The following PLEKHH2 variants were observed in gnomAD, a reference collection of about 807,000 sequenced individuals.
The protein encoded by PLEKHH2 is pleckstrin homology domain-containing family H member 2.
A neutral mutation model predicts 187.9 loss-of-function variants in PLEKHH2; 129 were observed. The ratio of observed to expected loss-of-function variants is 0.69; its 90% confidence interval spans 0.59 to 0.79. The LOEUF is 0.79. Among genes scored for constraint, PLEKHH2 ranks in the 30% least tolerant of loss-of-function variants. The pLI is 0.00. For missense variants in PLEKHH2, 2,076 were observed against 1,751.2 expected (o/e 1.19, Z -3.31); for synonymous variants, 686 against 605.6 (o/e 1.13, Z -1.95).
chr2:43,721,629 A>T (rs1189754412), intron 16 of PLEKHH2, among the ~76,000 whole-genome samples: 3 of 152,144 alleles, frequency 2.0e-5, no homozygotes, highest in Non-Finnish European at 4.4e-5. Context: ...CATGCCTATA[A>T]TCCCAGCACT....
intron 9 of PLEKHH2, among the ~76,000 whole-genome samples, chr2:43,705,622 T>C (rs1669621908): frequency 6.6e-6 from 1 of 152,206 alleles, no homozygotes; most frequent in Non-Finnish European, 1.5e-5. Context: ...ACAGTGGTTT[T>C]GGTTTTGGTT....
intron 3 of PLEKHH2, chr2:43,681,366 T>G (rs532603106): frequency 7.1e-7 from 1 of 1,407,544 alleles, no homozygotes; most frequent in Non-Finnish European, 9.8e-7. Context: ...AGAATTTACT[T>G]CTTGGCTGCT....
chr2:43,706,529 T>C, intron 10 of PLEKHH2, 113 bp downstream of exon 10: 2 of 764,998 alleles, frequency 2.6e-6, no homozygotes, highest in South Asian at 1.8e-5. Context: ...GCTCTCCCTT[T>C]ATAGAAAGTT....
chr2:43,654,583 T>TA (rs1553329025), intron 2 of PLEKHH2, among the ~76,000 whole-genome samples: 22 of 132,788 alleles, frequency 1.7e-4, no homozygotes, highest in Non-Finnish European at 1.3e-4. Context: ...TTTTTTTTTT[T>TA]AATGGCCAGC....
chr2:43,681,765 A>G (rs1668203697), intron 3 of PLEKHH2: 1 of 436,570 alleles, frequency 2.3e-6, no homozygotes, highest in African/African-American at 2.0e-5. Context: ...CTGAGAGCCT[A>G]CTCTGGACCC....
chr2:43,685,693 C>T lies in PLEKHH2; in HGVS notation c.186+6768C>T, dbSNP rs150500641. 7.7e-4 allele frequency among the ~76,000 whole-genome samples: 117 copies of T among 151,592 alleles called. 1 individual carries two copies. The highest frequency in any genetic ancestry group is 3.4e-3 in the Middle Eastern group (1 of 292). Reference sequence around the variant, plus strand: ...GTCAGCTCAAGCAATCCTCCAGCCTCAGCCTTCCAAAGTGCTGGGATTACC... The same window carrying T: ...GTCAGCTCAAGCAATCCTCCAGCCTTAGCCTTCCAAAGTGCTGGGATTACC... On this transcript the variant is annotated intron_variant, in intron 3 of 29. Coordinates refer to ENST00000282406, the MANE Select transcript of PLEKHH2 (RefSeq NM_172069.4).
rs1166416380 is a variant in PLEKHH2, at chr2:43,706,361, A to G, written c.1766A>G (p.Tyr589Cys). ...CTTTCCTATACTACATCAGGACTTTATACATCTCTGATATACAAGAACATG... is the reference window on the plus strand; with the variant it reads ...CTTTCCTATACTACATCAGGACTTTGTACATCTCTGATATACAAGAACATG... ...ATLSYTTSGL[Y>C]TSLIYKNMTT... The change falls in exon 10 of 30, where the codon TAT becomes TGT. Residue 589 changes from tyrosine (Y) to cysteine (C), a missense_variant. Tyr to Cys is a radical substitution (Grantham distance 194). Coordinates refer to ENST00000282406, the MANE Select transcript of PLEKHH2 (RefSeq NM_172069.4). 2 of 1,610,012 alleles carry G rather than the reference A, an allele frequency of 1.2e-6. No homozygotes were observed. Among genetic ancestry groups the G allele is most frequent in the African/African-American group, 1.3e-5 (1 of 74,948 alleles).
At chr2:43,726,803 A>G (rs1268189237) in intron 17 of PLEKHH2, among the ~76,000 whole-genome samples, 2 of 152,292 alleles carry the variant, frequency 1.3e-5, no homozygotes, top group Middle Eastern at 3.4e-3. Context: ...CCTTAGATAC[A>G]GTAGAAAATT....
At chr2:43,699,549 TAC>T in intron 7 of PLEKHH2, 96 bp from the exon 8 acceptor site, 1 of 1,435,484 alleles carries the variant, frequency 7.0e-7, no homozygotes, top group Non-Finnish European at 9.4e-7. Context: ...AGCAAATTTC[TAC>T]AGTGTCAATT....
rs1669313356 is a variant in PLEKHH2 at position 43,700,583 on chromosome 2, C to G, written c.1625C>G (p.Pro542Arg). The G allele has an allele frequency of 6.2e-7, 1 of 1,610,196 alleles. No homozygotes were observed. Among genetic ancestry groups the G allele is most frequent in the African/African-American group, 1.3e-5 (1 of 74,876 alleles). Residue 542 changes from proline (P) to arginine (R), a missense_variant, in exon 8 of 30, where the codon CCT (proline) becomes CGT (arginine). Physicochemically the swap from Pro to Arg is moderately radical, Grantham distance 103. Transcript: ENST00000282406. Reference protein sequence around the residue: ...KKVAYSKPPTPPLHRFPSWES... With the variant: ...KKVAYSKPPTRPLHRFPSWES... The stretch of plus-strand genomic sequence containing the variant: ...GTGGCATACAGCAAACCTCCAACTC[C>G]TCCCCTGCACCGTTTTCCTTCTTGG...
Position 43,726,379 on chromosome 2 carries a change from A to G in PLEKHH2, c.2649A>G (p.Thr883=). 6.2e-7 allele frequency: 1 copy of G among 1,611,036 alleles called. No individual in the cohort carries two copies. Residue 883 remains threonine, a synonymous_variant, in exon 17 of 30, where the codon ACA becomes ACG. Transcript: ENST00000282406. ...CCAGTGGACGAAGTCTGTTATCCACACATTATACTATCGTTATCCATCCCA... is the reference window on the plus strand; with the variant it reads ...CCAGTGGACGAAGTCTGTTATCCACGCATTATACTATCGTTATCCATCCCA... ...YEASGRSLLS[T]HYTIVIHPKD...
At chr2:43,673,148 A>C (rs972306191) in intron 2 of PLEKHH2, among the ~76,000 whole-genome samples, 1 of 152,188 alleles carries the variant, frequency 6.6e-6, no homozygotes, top group African/African-American at 2.4e-5. Flanking sequence ...CCCAGCTTTC[A>C]TGGTTGTCAA....
chr2:43,685,095 C>A (rs575781392), intron 3 of PLEKHH2, among the ~76,000 whole-genome samples: 8 of 152,280 alleles, frequency 5.3e-5, no homozygotes, highest in Non-Finnish European at 1.0e-4. Flanking sequence ...GAATCCTTCG[C>A]CATCTTTAAC....
chr2:43,699,209 T>G (rs572632787), intron 7 of PLEKHH2, among the ~76,000 whole-genome samples: 1 of 28,296 alleles, frequency 3.5e-5, no homozygotes, highest in South Asian at 8.5e-4. Context: ...GACTCTCAGT[T>G]TTTTTTTTCC....
intron 14 of PLEKHH2, chr2:43,711,596 A>G (rs1339706958): frequency 2.0e-6 from 2 of 976,072 alleles, no homozygotes; most frequent in African/African-American, 1.8e-5. Flanking sequence ...CCTCATTTCA[A>G]TAAGTAGGAA....
At chr2:43,711,317 G>C in intron 14 of PLEKHH2, 2 of 985,396 alleles carry the variant, frequency 2.0e-6, no homozygotes, top group Non-Finnish European at 2.4e-6. Context: ...AATTTAGAAA[G>C]GAGAATCAAG....
intron 17 of PLEKHH2, among the ~76,000 whole-genome samples, chr2:43,728,279 GAC>G (rs908919725): frequency 1.3e-5 from 2 of 151,636 alleles, no homozygotes; most frequent in Non-Finnish European, 2.9e-5. Context: ...AGGAGTTCGA[GAC>G]CAGCCTGGCC....
At chr2:43,685,134 T>C (rs932751640) in intron 3 of PLEKHH2, among the ~76,000 whole-genome samples, 2 of 152,226 alleles carry the variant, frequency 1.3e-5, no homozygotes, top group African/African-American at 4.8e-5. Flanking sequence ...GCCTATCTGA[T>C]GTTTATGTTG....
chr2:43,707,366 G>T (rs1669712780), intron 10 of PLEKHH2, 35 bp from the exon 11 acceptor site: 2 of 1,612,892 alleles, frequency 1.2e-6, no homozygotes, highest in South Asian at 1.1e-5. Flanking sequence ...TAACATTAGG[G>T]ATGGATACAG....
Sources: allele counts gnomAD v4.1 joint callset (sites outside exome capture counted in the v4.1 genomes callset), GRCh38; gene constraint gnomAD v4.1.1; transcripts MANE v1.5; gene names NCBI Gene and HGNC (gene_info 2026-07-23, HGNC 2026-07-21).